Variants in NRXN1 observed in about 807,000 individuals in gnomAD.
NRXN1 encodes the protein neurexin-1.
In NRXN1, 39 loss-of-function variants were observed where a neutral mutation model predicts 150.9. That is an observed-to-expected ratio of 0.26 (90% CI 0.20 to 0.34). NRXN1 has a LOEUF of 0.34. Among genes scored for constraint, NRXN1 ranks in the 10% least tolerant of loss-of-function variants. The pLI is 1.00. For synonymous variants in NRXN1, 924 were observed against 757.0 expected (o/e 1.22, Z -3.62); for missense variants, 1,815 against 1,949.9 (o/e 0.93, Z 1.30).
chr2:50,938,207 A>G (rs540654847), intron 2 of NRXN1, among the ~76,000 whole-genome samples: 1 of 152,316 alleles, frequency 6.6e-6, no homozygotes, highest in South Asian at 2.1e-4. Flanking sequence ...ACACTATTGT[A>G]AACTTTATAA....
chr2:50,363,590 A>AGGCCGGGCGCGGTGGCTC (rs2079375652), intron 17 of NRXN1, among the ~76,000 whole-genome samples: 1 of 152,218 alleles, frequency 6.6e-6, no homozygotes, highest in Non-Finnish European at 1.5e-5. Flanking sequence ...GTCAGGAAAC[A>AGGCCGGGCGCGGTGGCTC]ACAGATGCTG....
intron 17 of NRXN1, among the ~76,000 whole-genome samples, chr2:50,459,154 T>C (rs975920159): frequency 2.6e-5 from 4 of 152,082 alleles, no homozygotes; most frequent in Non-Finnish European, 5.9e-5. Flanking sequence ...CATAATTATA[T>C]TATTTTAAAA....
At chr2:50,834,082 T>G (rs1671765843) in intron 5 of NRXN1, among the ~76,000 whole-genome samples, 2 of 152,116 alleles carry the variant, frequency 1.3e-5, no homozygotes, top group African/African-American at 2.4e-5. Context: ...AATTAGCAAA[T>G]GTACAGTAAT....
chr2:50,340,400 C>A (rs76044510), intron 17 of NRXN1, among the ~76,000 whole-genome samples: 1 of 152,066 alleles, frequency 6.6e-6, no homozygotes, highest in Non-Finnish European at 1.5e-5. Context: ...ATGAAAGAAG[C>A]GGGTGCTTTT....
intron 5 of NRXN1, among the ~76,000 whole-genome samples, chr2:50,894,388 A>G (rs1343486434): frequency 6.6e-6 from 1 of 151,568 alleles, no homozygotes; most frequent in Non-Finnish European, 1.5e-5. Context: ...GAAACTGTCA[A>G]TTAATTGTTC....
At chr2:50,773,011 G>A (rs959828594) in intron 5 of NRXN1, among the ~76,000 whole-genome samples, 1 of 152,086 alleles carries the variant, frequency 6.6e-6, no homozygotes, top group Non-Finnish European at 1.5e-5. Context: ...TTCCCACTGT[G>A]CTTGGTTCTT....
intron 17 of NRXN1, among the ~76,000 whole-genome samples, chr2:50,327,781 C>T (rs778476931): frequency 2.0e-5 from 3 of 151,986 alleles, no homozygotes; most frequent in Non-Finnish European, 4.4e-5. Flanking sequence ...TCCTGAGTAG[C>T]TGGGATTACA....
chr2:50,603,365 T>C (rs1376286516), intron 8 of NRXN1, among the ~76,000 whole-genome samples: 2 of 152,160 alleles, frequency 1.3e-5, no homozygotes, highest in South Asian at 2.1e-4. Flanking sequence ...TGTGGGGACG[T>C]GGGCAGAGGC....
At chr2:50,272,958 AAAACTGGGC>A (rs1246944161) in intron 17 of NRXN1, among the ~76,000 whole-genome samples, 2 of 152,164 alleles carry the variant, frequency 1.3e-5, no homozygotes, top group Admixed American at 6.5e-5. Context: ...AATTCAATTA[AAAACTGGGC>A]AAGTCTGCAT....
intron 21 of NRXN1, among the ~76,000 whole-genome samples, chr2:49,947,856 A>G (rs1284383877): frequency 6.6e-6 from 1 of 152,104 alleles, no homozygotes; most frequent in Non-Finnish European, 1.5e-5. Flanking sequence ...AAAAGTACCT[A>G]GAAGGGGACA....
intron 5 of NRXN1, among the ~76,000 whole-genome samples, chr2:50,724,270 TA>T (rs1164713765): frequency 6.6e-6 from 1 of 152,194 alleles, no homozygotes; most frequent in Non-Finnish European, 1.5e-5. Flanking sequence ...TTAATCATCC[TA>T]ATGAAGGAAA....
chr2:50,414,248 A>G (rs1161586706), intron 17 of NRXN1, among the ~76,000 whole-genome samples: 1 of 152,014 alleles, frequency 6.6e-6, no homozygotes, highest in Non-Finnish European at 1.5e-5. Context: ...GGGGATGGAT[A>G]CCCCATTCTT....
intron 2 of NRXN1, among the ~76,000 whole-genome samples, chr2:50,988,706 G>C (rs1455310571): frequency 6.6e-6 from 1 of 151,912 alleles, no homozygotes; most frequent in Non-Finnish European, 1.5e-5. Context: ...ATATAGCAGA[G>C]TATTTACCCT....
chr2:50,960,177 C>T (rs1225164153), intron 2 of NRXN1, among the ~76,000 whole-genome samples: 1 of 151,894 alleles, frequency 6.6e-6, no homozygotes, highest in African/African-American at 2.4e-5. Flanking sequence ...AGGTATTTAT[C>T]TCCATAAAAA....
At chr2:50,468,891 C>A (rs1183299074) in intron 16 of NRXN1, among the ~76,000 whole-genome samples, 2 of 151,434 alleles carry the variant, frequency 1.3e-5, no homozygotes, top group Admixed American at 6.6e-5. Context: ...CACGATTAAA[C>A]AGAAAATTAT....
At chr2:50,260,552 A>G (rs769485251) in intron 17 of NRXN1, among the ~76,000 whole-genome samples, 2 of 151,640 alleles carry the variant, frequency 1.3e-5, no homozygotes, top group Non-Finnish European at 3.0e-5. Context: ...CAAAAGAACC[A>G]TAATTCCTAT....
At chr2:50,517,296 C>T (rs1173449344) in intron 12 of NRXN1, among the ~76,000 whole-genome samples, 2 of 152,058 alleles carry the variant, frequency 1.3e-5, no homozygotes, top group Non-Finnish European at 2.9e-5. Flanking sequence ...TCATTTTTAT[C>T]TTCTCCTCAA....
intron 5 of NRXN1, among the ~76,000 whole-genome samples, chr2:50,682,043 G>C (rs973960261): frequency 1.3e-5 from 2 of 152,150 alleles, no homozygotes; most frequent in African/African-American, 4.8e-5. Flanking sequence ...GCCTGGCACA[G>C]GGTGACAGCC....
intron 21 of NRXN1, 70 bp downstream of exon 21, chr2:50,053,201 C>T (rs983996346): frequency 6.6e-7 from 1 of 1,504,276 alleles, no homozygotes; most frequent in Non-Finnish European, 9.3e-7. Flanking sequence ...AGAAAAGACG[C>T]ATATGCAGAA....
Sources: gnomAD v4.1 joint callset for allele counts (sites outside exome capture counted in the v4.1 genomes callset) on GRCh38, gnomAD v4.1.1 for gene constraint, MANE v1.5 for transcripts, NCBI Gene and HGNC (gene_info 2026-07-23, HGNC 2026-07-21) for gene names.